RPL21: variants seen among roughly 807,000 people sequenced by gnomAD.
RPL21 encodes the protein large ribosomal subunit protein eL21.
RPL21 carries 1 observed loss-of-function variant against 21.2 expected under a neutral mutation model. The observed-to-expected ratio is 0.05, with a 90% CI of 0.02 to 0.22. The LOEUF is 0.22. Among genes scored for constraint, RPL21 ranks in the 10% least tolerant of loss-of-function variants. The pLI is 1.00. For synonymous variants in RPL21, 52 were observed against 62.9 expected, an observed-to-expected ratio of 0.83 and a Z score of 0.82; for missense variants, 113 against 199.4, an observed-to-expected ratio of 0.57 and a Z score of 2.61.
intron 4 of RPL21, chr13:27,255,819 G>A (rs763006149): frequency 6.2e-6 from 2 of 324,768 alleles, no homozygotes; most frequent in African/African-American, 4.4e-5. Flanking sequence ...TGATCTGCCT[G>A]CCTCGGCCTC....
At chr13:27,254,623 G>A (rs1007383945) in intron 3 of RPL21, among the ~76,000 whole-genome samples, 1 of 151,502 alleles carries the variant, frequency 6.6e-6, no homozygotes, top group Non-Finnish European at 1.5e-5. Flanking sequence ...TGAACACCTC[G>A]GGTGATCTGC....
Position 27,255,332 on chromosome 13 carries a change from ATTG to A in RPL21, c.225_227del (p.Val76del). On this transcript the variant is annotated inframe_deletion, in exon 4 of 6. Transcript: ENST00000311549. ...CAATGTTACCCAGCATGCTGTTGGC[ATTG>A]TTGTAAACAAACAAGTTAAGTAAGT... 2 of 1,400,518 alleles carry A rather than the reference ATTG, an allele frequency of 1.4e-6. No individual in the cohort carries two copies. Among genetic ancestry groups the A allele is most frequent in the Non-Finnish European group, 1.0e-6 (1 of 984,960 alleles). The allele number at this position is 1,400,518 out of a possible 1,614,324, so 86.8% of individuals were successfully genotyped here. A position where few individuals can be genotyped will look rare whatever the true frequency, so the allele number is the denominator to read the frequency against.
In RPL21 at chr13:27,255,924, TAGC is replaced by T. The variant is rs1248238021; in HGVS notation, c.243-257_243-255del. 2.6e-5 allele frequency: 11 copies of T among 417,486 alleles called. 1 individual carries two copies. Among genetic ancestry groups the T allele is most frequent in the African/African-American group, 1.8e-4 (9 of 49,042 alleles). The allele number at this position is 417,486 out of a possible 1,614,324, so 25.9% of individuals were successfully genotyped here. A position where few individuals can be genotyped will look rare whatever the true frequency, so the allele number is the denominator to read the frequency against. Reference sequence around the variant, plus strand: ...AGTTTAGTAAACTTTTAAATTTTATTAGCAGTCTGGTTTTAGATTACTAGAGTT... The same window carrying T: ...AGTTTAGTAAACTTTTAAATTTTATTAGTCTGGTTTTAGATTACTAGAGTT... On this transcript the variant is annotated intron_variant, in intron 4 of 5. Coordinates refer to ENST00000311549, the MANE Select transcript of RPL21 (RefSeq NM_000982.4).
rs557745568 is a variant in RPL21 at position 27,254,544 on chromosome 13, A to G, written c.129+263A>G. The G allele has an allele frequency of 8.8e-6, 4 of 453,462 alleles. No homozygotes were observed. The South Asian group carries it at 9.7e-5, about 11-fold the overall frequency. The allele number at this position is 453,462 out of a possible 1,614,324, so 28.1% of individuals were successfully genotyped here. On this transcript the variant is annotated intron_variant, in intron 3 of 5. Coordinates refer to ENST00000311549, the MANE Select transcript of RPL21 (RefSeq NM_000982.4). ...CAAATAGCTGGGATTACAGGCGTGC[A>G]CCATGATACCTGGCTAATTTTGTAT...
In RPL21 at chr13:27,254,271, T is replaced by C. The variant is rs1881783772; in HGVS notation, c.119T>C (p.Val40Ala). The C allele has an allele frequency of 1.3e-6, 2 of 1,584,084 alleles. No homozygotes were observed. The highest frequency in any genetic ancestry group is 1.7e-6 in the Non-Finnish European group (2 of 1,152,782). Reference sequence around the variant, plus strand: ...CGAATCTATAAGAAAGGTGATATTGTAGACATCAAGGTAAACATAAAATTG... The same window carrying C: ...CGAATCTATAAGAAAGGTGATATTGCAGACATCAAGGTAAACATAAAATTG... ...YMRIYKKGDIVDIKGMGTVQK... is the reference protein window; with the variant it reads ...YMRIYKKGDIADIKGMGTVQK... Residue 40 changes from valine to alanine, a missense_variant, in exon 3 of 6, where the codon GTA becomes GCA. Physicochemically the swap from Val to Ala is moderately conservative, Grantham distance 64. Coordinates refer to ENST00000311549, the MANE Select transcript of RPL21 (RefSeq NM_000982.4).
At chr13:27,254,358 T>G in intron 3 of RPL21, 77 bp downstream of exon 3, 1 of 824,242 alleles carries the variant, frequency 1.2e-6, no homozygotes, top group Non-Finnish European at 2.2e-6. Flanking sequence ...ATTCAAATAC[T>G]AGTGTATGTT....
chr13:27,254,019 A>T (rs933053732), intron 2 of RPL21, among the ~76,000 whole-genome samples, 176 bp downstream of exon 2: 2 of 152,222 alleles, frequency 1.3e-5, no homozygotes, highest in African/African-American at 4.8e-5. Flanking sequence ...TTTTGTGACT[A>T]AGTATTGATG....
intron 3 of RPL21, chr13:27,254,549 G>C: frequency 2.3e-6 from 1 of 439,844 alleles, no homozygotes; most frequent in Non-Finnish European, 4.1e-6. Flanking sequence ...CGTGCACCAT[G>C]ATACCTGGCT....
intron 1 of RPL21, among the ~76,000 whole-genome samples, chr13:27,252,642 G>A (rs776024483): frequency 5.9e-5 from 9 of 152,126 alleles, no homozygotes; most frequent in Non-Finnish European, 1.2e-4. Flanking sequence ...TACTAACTTA[G>A]CACAAGTTTT....
At chr13:27,256,071 A>C in intron 4 of RPL21, 113 bp from the exon 5 acceptor site, 1 of 805,520 alleles carries the variant, frequency 1.2e-6, no homozygotes, top group Non-Finnish European at 2.1e-6. Flanking sequence ...TTGATTTGTC[A>C]TATCTGGGTA....
At chr13:27,251,910 C>G (rs1339107016) in intron 1 of RPL21, 1 of 152,298 alleles carries the variant, frequency 6.6e-6, no homozygotes, top group Admixed American at 6.5e-5. Context: ...GGCTGCATCT[C>G]CGGTACTGTG....
At chr13:27,253,484 G>T (rs1365921893) in intron 1 of RPL21, among the ~76,000 whole-genome samples, 1 of 152,192 alleles carries the variant, frequency 6.6e-6, no homozygotes, top group Admixed American at 6.5e-5. Context: ...GTCCTGTTGT[G>T]TTTTTATATT....
chr13:27,255,097 A>G (rs1881834566), intron 3 of RPL21, 145 bp from the exon 4 acceptor site: 2 of 771,842 alleles, frequency 2.6e-6, no homozygotes, highest in Non-Finnish European at 2.4e-6. Flanking sequence ...TGATTGCTTG[A>G]AGCAATGTGA....
chr13:27,253,601 AAAT>A, intron 1 of RPL21, 161 bp from the exon 2 acceptor site: 1 of 595,030 alleles, frequency 1.7e-6, no homozygotes, highest in Admixed American at 2.6e-5. Flanking sequence ...TTACTTGCTA[AAAT>A]AATGATTTTT....
chr13:27,253,880 C>G (rs1389961395), intron 2 of RPL21, 37 bp downstream of exon 2: 1 of 1,174,900 alleles, frequency 8.5e-7, no homozygotes, highest in Non-Finnish European at 1.3e-6. Flanking sequence ...AAGCATGGCA[C>G]ACATTTGTGT....
intron 3 of RPL21, chr13:27,255,027 C>T (rs1392540254): frequency 4.1e-6 from 3 of 733,468 alleles, no homozygotes; most frequent in Non-Finnish European, 7.5e-6. Context: ...AAGCTGTGTT[C>T]TTCTGTGACC....
In RPL21 at chr13:27,253,852, GT is replaced by G; in HGVS notation, c.67+12del. On this transcript the variant is annotated intron_variant, in intron 2 of 5. Coordinates refer to ENST00000311549, the MANE Select transcript of RPL21 (RefSeq NM_000982.4). ...GCCTTTTAGAAAACATGGTAAGTAGGTTTACCTTCCTTGAGAGAAGCATGGC... is the reference window on the plus strand; with the variant it reads ...GCCTTTTAGAAAACATGGTAAGTAGGTTACCTTCCTTGAGAGAAGCATGGC... 2 of 1,519,880 alleles carry G rather than the reference GT, an allele frequency of 1.3e-6. No homozygotes were observed. The highest frequency in any genetic ancestry group is 1.8e-6 in the Non-Finnish European group (2 of 1,094,354). 94.1% of individuals were successfully genotyped at this position (1,519,880 alleles called of 1,614,324 possible). A position where few individuals can be genotyped will look rare whatever the true frequency, so the allele number is the denominator to read the frequency against.
At position 27,256,533 on chromosome 13, in the gene RPL21, TAAA is replaced by T; in HGVS notation, c.*17_*19del. 3 of 979,132 alleles carry T rather than the reference TAAA, an allele frequency of 3.1e-6. No homozygotes were observed. The highest frequency in any genetic ancestry group is 4.6e-6 in the Non-Finnish European group (3 of 647,868). 60.7% of individuals were successfully genotyped at this position (979,132 alleles called of 1,614,324 possible). A position where few individuals can be genotyped will look rare whatever the true frequency, so the allele number is the denominator to read the frequency against. ...TATGAATTCATGGCATAATAGGTGT[TAAA>T]AAAAAAAATAAAGGACCTCTGGGCT... On this transcript the variant is annotated 3_prime_UTR_variant, in exon 6 of 6. Transcript: ENST00000311549.
intron 2 of RPL21, 111 bp downstream of exon 2, chr13:27,253,954 G>A (rs552665792): frequency 1.3e-4 from 98 of 765,778 alleles, no homozygotes; most frequent in African/African-American, 9.3e-4. Flanking sequence ...AATAACTAGC[G>A]TCTACCCAGC....
Sources: gnomAD v4.1 joint callset for allele counts (sites outside exome capture counted in the v4.1 genomes callset) on GRCh38, gnomAD v4.1.1 for gene constraint, MANE v1.5 for transcripts, NCBI Gene and HGNC (gene_info 2026-07-23, HGNC 2026-07-21) for gene names.